NECAB1: variants seen among roughly 807,000 people sequenced by gnomAD.
NECAB1 encodes the protein N-terminal EF-hand calcium-binding protein 1.
A neutral mutation model predicts 57.5 loss-of-function variants in NECAB1; 29 were observed. That is an observed-to-expected ratio of 0.50 (90% confidence interval 0.38 to 0.69). The LOEUF is 0.69. NECAB1 is among the 30% of genes least tolerant of loss of function. NECAB1 has a pLI of 0.00. For synonymous variants in NECAB1, 142 were observed against 147.7 expected (o/e 0.96, Z 0.28); for missense variants, 372 against 413.8 (o/e 0.90, Z 0.88).
At chr8:90,822,597 T>C (rs1444623865) in intron 2 of NECAB1, among the ~76,000 whole-genome samples, 1 of 151,858 alleles carries the variant, frequency 6.6e-6, no homozygotes, top group African/African-American at 2.4e-5. Flanking sequence ...CCCTTATTAA[T>C]CGATGCTTTT....
At chr8:90,950,813 C>T (rs1006957001) in intron 11 of NECAB1, among the ~76,000 whole-genome samples, 2 of 151,960 alleles carry the variant, frequency 1.3e-5, no homozygotes, top group African/African-American at 4.8e-5. Flanking sequence ...GTCTTATTAT[C>T]TATCTTGTTT....
intron 1 of NECAB1, among the ~76,000 whole-genome samples, chr8:90,794,823 T>C (rs1811634073): frequency 6.6e-6 from 1 of 152,218 alleles, no homozygotes; most frequent in South Asian, 2.1e-4. Context: ...TAACAGTAGC[T>C]AAATCCACAA....
Position 90,934,299 on chromosome 8 carries a change from T to C in NECAB1, c.694-5T>C, listed in dbSNP as rs1810478677. 1 of 1,515,296 alleles carries C rather than the reference T, an allele frequency of 6.6e-7. No homozygotes were observed. The highest frequency in any genetic ancestry group is 1.4e-5 in the African/African-American group (1 of 71,524). 93.9% of individuals were successfully genotyped at this position (1,515,296 alleles called of 1,614,324 possible). On this transcript the variant is annotated splice_polypyrimidine_tract_variant and splice_region_variant and intron_variant, in intron 8 of 12. Transcript: ENST00000417640. The stretch of plus-strand genomic sequence containing the variant: ...CTTTTCTGCCATTTCTTCCTCTTAT[T>C]GAAGGATCTCAAACTCGAACCACCA...
At chr8:90,941,754 C>T (rs1189590855) in intron 10 of NECAB1, among the ~76,000 whole-genome samples, 3 of 152,260 alleles carry the variant, frequency 2.0e-5, no homozygotes, top group East Asian at 3.9e-4. Context: ...GTTTGTTCCC[C>T]ACTGTGCCTC....
intron 12 of NECAB1, among the ~76,000 whole-genome samples, chr8:90,951,848 C>G (rs1810929778): frequency 1.3e-5 from 2 of 151,710 alleles, no homozygotes; most frequent in Admixed American, 6.6e-5. Flanking sequence ...GAAGTGATTA[C>G]TTCTTTAATA....
chr8:90,808,867 G>A (rs111343217), intron 2 of NECAB1, among the ~76,000 whole-genome samples: 31 of 151,892 alleles, frequency 2.0e-4, no homozygotes, highest in African/African-American at 7.0e-4. Flanking sequence ...GGCTGGTCTC[G>A]AACTCCTGAC....
At chr8:90,823,388 A>AT (rs113918914) in intron 2 of NECAB1, among the ~76,000 whole-genome samples, 23,074 of 151,816 alleles carry the variant, frequency 0.15, 3,201 homozygotes, top group African/African-American at 0.37. Flanking sequence ...GCAAATAAGG[A>AT]TTTTTTAAAA....
chr8:90,852,142 G>A (rs970632989), intron 3 of NECAB1, among the ~76,000 whole-genome samples: 10 of 152,100 alleles, frequency 6.6e-5, no homozygotes, highest in African/African-American at 2.4e-4. Flanking sequence ...CTCACTCATT[G>A]GGATAAATAC....
At chr8:90,815,975 A>G (rs1812055413) in intron 2 of NECAB1, among the ~76,000 whole-genome samples, 1 of 152,026 alleles carries the variant, frequency 6.6e-6, no homozygotes, top group Admixed American at 6.6e-5. Flanking sequence ...AATGTCTTCC[A>G]AAGTGGCTAA....
intron 4 of NECAB1, among the ~76,000 whole-genome samples, chr8:90,880,199 A>T (rs186435194): frequency 5.3e-5 from 8 of 152,290 alleles, no homozygotes; most frequent in African/African-American, 1.2e-4. Context: ...AGTTCCACAA[A>T]TACTGTGGCA....
intron 3 of NECAB1, among the ~76,000 whole-genome samples, chr8:90,845,526 A>T (rs945232391): frequency 6.6e-6 from 1 of 152,244 alleles, no homozygotes; most frequent in Non-Finnish European, 1.5e-5. Context: ...TTTCAAAAAA[A>T]ATAAAGCCTC....
At chr8:90,839,622 T>G (rs193081478) in intron 3 of NECAB1, among the ~76,000 whole-genome samples, 9 of 152,114 alleles carry the variant, frequency 5.9e-5, no homozygotes, top group South Asian at 2.1e-4. Context: ...TGAATAAGGA[T>G]GGAGATAGAG....
intron 5 of NECAB1, among the ~76,000 whole-genome samples, chr8:90,883,298 C>T (rs1052530712): frequency 6.6e-5 from 10 of 152,062 alleles, no homozygotes; most frequent in Admixed American, 3.9e-4. Context: ...TTAGAAAAAG[C>T]CCCTTTGTGT....
intron 5 of NECAB1, among the ~76,000 whole-genome samples, chr8:90,916,050 C>T (rs1322824700): frequency 1.3e-5 from 2 of 152,184 alleles, no homozygotes; most frequent in Non-Finnish European, 2.9e-5. Flanking sequence ...CCTTTGGCAA[C>T]ACCCTCACAG....
At chr8:90,824,915 T>C in intron 3 of NECAB1, 90 bp downstream of exon 3, 1 of 593,356 alleles carries the variant, frequency 1.7e-6, no homozygotes. Flanking sequence ...GGAAGAACAA[T>C]ATAGAGGGTA....
chr8:90,945,771 A>G (rs933590749), intron 10 of NECAB1, among the ~76,000 whole-genome samples: 8 of 152,128 alleles, frequency 5.3e-5, no homozygotes, highest in African/African-American at 1.9e-4. Flanking sequence ...ATTTTCCAGC[A>G]TCCAGGAATA....
At chr8:90,895,870 G>GT (rs1256798049) in intron 5 of NECAB1, among the ~76,000 whole-genome samples, 2 of 152,184 alleles carry the variant, frequency 1.3e-5, no homozygotes, top group Non-Finnish European at 2.9e-5. Flanking sequence ...TCCTTTAATT[G>GT]TAACTTTCTA....
At chr8:90,937,806 C>T (rs1168807146) in intron 9 of NECAB1, among the ~76,000 whole-genome samples, 1 of 152,122 alleles carries the variant, frequency 6.6e-6, no homozygotes, top group Non-Finnish European at 1.5e-5. Context: ...GTCTACAAAC[C>T]TAGTTTTTTT....
chr8:90,827,371 T>G (rs1204212732), intron 3 of NECAB1, among the ~76,000 whole-genome samples: 1 of 151,916 alleles, frequency 6.6e-6, no homozygotes, highest in Admixed American at 6.6e-5. Flanking sequence ...AGAGTCAGAG[T>G]CTATGAACAT....
Sources: gnomAD v4.1 joint callset for allele counts (sites outside exome capture counted in the v4.1 genomes callset) on GRCh38, gnomAD v4.1.1 for gene constraint, MANE v1.5 for transcripts, NCBI Gene and HGNC (gene_info 2026-07-23, HGNC 2026-07-21) for gene names.